The following WASF3 variants were observed in gnomAD, a reference collection of about 807,000 sequenced individuals.
WASF3 encodes WASP family member 3, also known as actin-binding protein WASF3.
Under a neutral mutation model 46.6 loss-of-function variants are expected in WASF3, and 11 were observed. The observed-to-expected ratio is 0.24, with a 90% CI of 0.15 to 0.39. WASF3 has a LOEUF of 0.39. Among genes scored for constraint, WASF3 ranks in the 10% least tolerant of loss-of-function variants. The pLI is 1.00. For synonymous variants in WASF3, 242 were observed against 259.7 expected, an observed-to-expected ratio of 0.93 and a Z score of 0.65; for missense variants, 576 against 669.8, an observed-to-expected ratio of 0.86 and a Z score of 1.55.
intron 1 of WASF3, chr13:26,576,797 T>A (rs1320329973): frequency 5.0e-6 from 2 of 401,024 alleles, no homozygotes; most frequent in Admixed American, 7.8e-5. Context: ...AGGTTCTATG[T>A]ATTCTTTACC....
At chr13:26,550,892 G>A in the WASF3 span, among the ~76,000 whole-genome samples, 1 of 152,096 alleles carries the variant, frequency 6.6e-6, no homozygotes, top group Non-Finnish European at 1.5e-5. Context: ...TTGTCACTGG[G>A]GACACCTTCA....
At chr13:26,680,185 G>T (rs551300696) in intron 7 of WASF3, 2 of 1,582,344 alleles carry the variant, frequency 1.3e-6, no homozygotes, top group East Asian at 4.5e-5. Flanking sequence ...CGCCAAAGAG[G>T]ACAGAGTGCC....
intron 1 of WASF3, among the ~76,000 whole-genome samples, chr13:26,594,949 A>T (rs1209273812): frequency 6.6e-6 from 1 of 152,154 alleles, no homozygotes; most frequent in African/African-American, 2.4e-5. Context: ...GTCTTTCTTT[A>T]CCTACCATTT....
chr13:26,557,711 C>T lies in WASF3; in HGVS notation c.-217C>T, dbSNP rs1209208408. On this transcript the variant is annotated 5_prime_UTR_variant, in exon 1 of 10. Coordinates refer to ENST00000335327, the MANE Select transcript of WASF3 (RefSeq NM_006646.6). ...GACGGGCCGGAGGCGGCGTCGCTCG[C>T]GCCGCTGCGTGCGGTGTGGTGCGAG... The T allele has an allele frequency of 1.1e-5, 2 of 178,120 alleles. No individual in the cohort carries two copies. The highest frequency in any genetic ancestry group is 2.4e-5 in the African/African-American group (1 of 41,614). The allele number at this position is 178,120 out of a possible 1,614,324, so 11.0% of individuals were successfully genotyped here.
At chr13:26,558,141 G>C (rs1347445360) in intron 1 of WASF3, among the ~76,000 whole-genome samples, 1 of 151,818 alleles carries the variant, frequency 6.6e-6, no homozygotes, top group Admixed American at 6.6e-5. Context: ...CCCTGGACTC[G>C]GGACAGCCAC....
At chr13:26,584,955 G>A (rs1206973593) in intron 1 of WASF3, among the ~76,000 whole-genome samples, 2 of 152,156 alleles carry the variant, frequency 1.3e-5, no homozygotes, top group African/African-American at 2.4e-5. Flanking sequence ...AGTTAAGGGA[G>A]TGGAAGAATA....
At position 26,609,104 on chromosome 13, in the gene WASF3, G is replaced by T. The variant is rs568886263; in HGVS notation, c.-108-3857G>T. Among the ~76,000 whole-genome samples the T allele has an allele frequency of 4.6e-5, 7 of 152,252 alleles. No individual in the cohort carries two copies. In the East Asian group the frequency reaches 1.3e-3, roughly 29 times the overall value. Reference sequence around the variant, plus strand: ...GTAAATCCAAATACAATCAGATTAGGATAATATTGATAGATTAACAATGAG... The same window carrying T: ...GTAAATCCAAATACAATCAGATTAGTATAATATTGATAGATTAACAATGAG... On this transcript the variant is annotated intron_variant, in intron 1 of 9. Transcript: ENST00000335327.
chr13:26,616,167 T>G (rs1296680342), intron 2 of WASF3, among the ~76,000 whole-genome samples: 1 of 152,230 alleles, frequency 6.6e-6, no homozygotes, highest in Admixed American at 6.5e-5. Context: ...GATAAGTGTA[T>G]GTTTAACTTT....
chr13:26,621,069 T>G (rs920667186), intron 2 of WASF3, among the ~76,000 whole-genome samples: 1 of 152,188 alleles, frequency 6.6e-6, no homozygotes, highest in Non-Finnish European at 1.5e-5. Context: ...TTCCCGATGC[T>G]GAGCAGGATG....
At chr13:26,559,694 A>T (rs533267458) in intron 1 of WASF3, among the ~76,000 whole-genome samples, 1 of 151,902 alleles carries the variant, frequency 6.6e-6, no homozygotes, top group African/African-American at 2.4e-5. Flanking sequence ...TCGTCTTTGG[A>T]ATTCCAAGGA....
the WASF3 span, among the ~76,000 whole-genome samples, chr13:26,542,056 C>T: frequency 6.6e-6 from 1 of 152,330 alleles, no homozygotes; most frequent in South Asian, 2.1e-4. Flanking sequence ...ATAGTTTGAA[C>T]ATGACCCATT....
chr13:26,627,962 G>A (rs1379370059), intron 2 of WASF3, among the ~76,000 whole-genome samples: 1 of 151,598 alleles, frequency 6.6e-6, no homozygotes, highest in Non-Finnish European at 1.5e-5. Flanking sequence ...ATGCTTGAAC[G>A]AATCAGCAAT....
the WASF3 span, among the ~76,000 whole-genome samples, chr13:26,551,576 C>T: frequency 2.6e-5 from 4 of 152,266 alleles, no homozygotes; most frequent in East Asian, 1.9e-4. Context: ...ATGAATTAAC[C>T]GTGGCAATAA....
At chr13:26,546,061 T>C in the WASF3 span, among the ~76,000 whole-genome samples, 6 of 152,364 alleles carry the variant, frequency 3.9e-5, no homozygotes, top group African/African-American at 7.2e-5. Flanking sequence ...TTTTGCTTCT[T>C]TTCTTTAAAA....
At chr13:26,677,210 CTT>C (rs1018991632) in intron 7 of WASF3, among the ~76,000 whole-genome samples, 15 of 152,084 alleles carry the variant, frequency 9.9e-5, no homozygotes, top group African/African-American at 3.4e-4. Context: ...TTTCAGATAA[CTT>C]ATATATTCTG....
intron 3 of WASF3, among the ~76,000 whole-genome samples, chr13:26,652,576 C>T (rs533155956): frequency 6.6e-6 from 1 of 152,136 alleles, no homozygotes; most frequent in African/African-American, 2.4e-5. Context: ...TTTTAATTTC[C>T]CGTGAAACAT....
chr13:26,599,224 C>T (rs1483398857), intron 1 of WASF3, among the ~76,000 whole-genome samples: 1 of 132,096 alleles, frequency 7.6e-6, no homozygotes, highest in Non-Finnish European at 1.6e-5. Context: ...TGCTCTGTCA[C>T]CCAGGCTGGA....
intron 4 of WASF3, among the ~76,000 whole-genome samples, chr13:26,666,182 T>C (rs1314051112): frequency 2.0e-5 from 3 of 152,232 alleles, no homozygotes; most frequent in African/African-American, 7.2e-5. Context: ...GCATTCTTAC[T>C]TTTCCAACAA....
At chr13:26,608,687 A>T (rs1880877812) in intron 1 of WASF3, among the ~76,000 whole-genome samples, 1 of 152,206 alleles carries the variant, frequency 6.6e-6, no homozygotes, top group South Asian at 2.1e-4. Flanking sequence ...GAACCGTTGT[A>T]GCAATGGGGT....
Sources: allele counts gnomAD v4.1 joint callset (sites outside exome capture counted in the v4.1 genomes callset), GRCh38; gene constraint gnomAD v4.1.1; transcripts MANE v1.5; gene names NCBI Gene and HGNC (gene_info 2026-07-23, HGNC 2026-07-21).